Variants in ATRNL1 observed in about 807,000 individuals in gnomAD.
The protein encoded by ATRNL1 is attractin like 1.
Under a neutral mutation model 182.7 loss-of-function variants are expected in ATRNL1, and 95 were observed. That is an observed-to-expected ratio of 0.52 (90% confidence interval 0.44 to 0.62). The LOEUF is 0.62. ATRNL1 is among the 20% of genes least tolerant of loss of function. The pLI is 0.00. For synonymous variants in ATRNL1, 576 were observed against 568.3 expected, an observed-to-expected ratio of 1.01 and a Z score of -0.19; for missense variants, 1,471 against 1,679.5, an observed-to-expected ratio of 0.88 and a Z score of 2.17.
intron 9 of ATRNL1, among the ~76,000 whole-genome samples, chr10:115,238,592 C>T (rs1850280493): frequency 1.3e-5 from 2 of 152,070 alleles, no homozygotes; most frequent in African/African-American, 4.8e-5. Context: ...TGCAACCTTG[C>T]TATGCTAGCT....
At chr10:115,649,824 G>A (rs1336077680) in intron 26 of ATRNL1, among the ~76,000 whole-genome samples, 1 of 152,092 alleles carries the variant, frequency 6.6e-6, no homozygotes, top group African/African-American at 2.4e-5. Context: ...CCACCATTTA[G>A]GAAGCAGTTA....
intron 3 of ATRNL1, among the ~76,000 whole-genome samples, chr10:115,126,082 G>A (rs962697220): frequency 2.6e-5 from 4 of 152,006 alleles, no homozygotes; most frequent in African/African-American, 9.7e-5. Context: ...TTTTTGAGAC[G>A]GAGTCTCGCT....
At chr10:115,281,649 T>C (rs1349426296) in intron 14 of ATRNL1, among the ~76,000 whole-genome samples, 162 bp downstream of exon 14, 4 of 152,108 alleles carry the variant, frequency 2.6e-5, no homozygotes, top group African/African-American at 4.8e-5. Context: ...ACAAGAAAAG[T>C]TTTTTGATTA....
intron 19 of ATRNL1, among the ~76,000 whole-genome samples, chr10:115,381,449 T>TTTTTTTTTTTTTTA: frequency 6.9e-6 from 1 of 144,326 alleles, no homozygotes; most frequent in African/African-American, 2.6e-5. Context: ...TTTTTTTTTT[T>TTTTTTTTTTTTTTA]AGTAGACATG....
intron 21 of ATRNL1, among the ~76,000 whole-genome samples, chr10:115,428,078 T>C (rs1254834175): frequency 6.6e-6 from 1 of 152,012 alleles, no homozygotes; most frequent in Non-Finnish European, 1.5e-5. Context: ...AATTCTTTAA[T>C]TTTTACTATT....
chr10:115,243,699 T>C (rs1554903473), intron 10 of ATRNL1, among the ~76,000 whole-genome samples: 1 of 152,096 alleles, frequency 6.6e-6, no homozygotes, highest in Non-Finnish European at 1.5e-5. Flanking sequence ...TGTAGAAATA[T>C]AGAAGAAAAT....
intron 26 of ATRNL1, among the ~76,000 whole-genome samples, chr10:115,714,118 G>C (rs1298995360): frequency 6.6e-6 from 1 of 152,060 alleles, no homozygotes; most frequent in Non-Finnish European, 1.5e-5. Flanking sequence ...TTGTTTTCTG[G>C]ATTGCCCCAT....
intron 27 of ATRNL1, among the ~76,000 whole-genome samples, chr10:115,798,008 C>T (rs1442094685): frequency 2.0e-5 from 3 of 152,176 alleles, no homozygotes; most frequent in South Asian, 2.1e-4. Flanking sequence ...AGCTCTGCCT[C>T]CCGGGTTCAC....
intron 27 of ATRNL1, among the ~76,000 whole-genome samples, chr10:115,817,957 G>A (rs1225399988): frequency 2.0e-5 from 3 of 148,114 alleles, no homozygotes; most frequent in African/African-American, 7.5e-5. Context: ...AATTCTAGAT[G>A]TCATTAGCCA....
chr10:115,183,645 A>G (rs1485566512), intron 8 of ATRNL1, among the ~76,000 whole-genome samples: 1 of 151,516 alleles, frequency 6.6e-6, no homozygotes, highest in East Asian at 1.9e-4. Flanking sequence ...CAGTAAATAT[A>G]AAAAATTTGT....
intron 27 of ATRNL1, among the ~76,000 whole-genome samples, chr10:115,803,548 G>A (rs1555084913): frequency 1.3e-5 from 2 of 151,256 alleles, no homozygotes; most frequent in East Asian, 3.9e-4. Flanking sequence ...GAGATATGGA[G>A]GAAACTTTAT....
chr10:115,712,353 G>T (rs1947086657), intron 26 of ATRNL1, among the ~76,000 whole-genome samples: 1 of 152,122 alleles, frequency 6.6e-6, no homozygotes, highest in Non-Finnish European at 1.5e-5. Context: ...TCTTAGTGTG[G>T]CCAAACACCA....
Position 115,315,512 on chromosome 10 carries a change from A to G in ATRNL1, c.2819-6A>G, listed in dbSNP as rs1384274988. On this transcript the variant is annotated splice_region_variant and splice_polypyrimidine_tract_variant and intron_variant, in intron 17 of 28. Transcript: ENST00000355044. ...TAACATATTTGTCAATGTTCCTGTC[A>G]CGCAGCTCAAAATTGTTCTGGATTG... 4.4e-6 allele frequency: 7 copies of G among 1,598,962 alleles called. No individual in the cohort carries two copies. The highest frequency in any genetic ancestry group is 6.0e-6 in the Non-Finnish European group (7 of 1,168,488).
chr10:115,224,056 C>T (rs1248097365), intron 9 of ATRNL1, among the ~76,000 whole-genome samples: 1 of 150,440 alleles, frequency 6.6e-6, no homozygotes, highest in African/African-American at 2.4e-5. Context: ...CTGCCTCAGC[C>T]TCCTGAGTAG....
intron 27 of ATRNL1, among the ~76,000 whole-genome samples, chr10:115,803,599 G>GTT (rs71999018): frequency 4.5e-4 from 66 of 146,978 alleles, no homozygotes; most frequent in South Asian, 6.4e-4. Context: ...GTTTTTTTGT[G>GTT]TTTTTTTTTT....
intron 26 of ATRNL1, among the ~76,000 whole-genome samples, chr10:115,666,118 A>G (rs1860985605): frequency 6.6e-6 from 1 of 152,176 alleles, no homozygotes; most frequent in Non-Finnish European, 1.5e-5. Context: ...AGATAGCTGT[A>G]AAAAGTTTCA....
At chr10:115,914,144 A>G (rs960913972) in intron 28 of ATRNL1, among the ~76,000 whole-genome samples, 1 of 152,134 alleles carries the variant, frequency 6.6e-6, no homozygotes, top group African/African-American at 2.4e-5. Flanking sequence ...TCCTGCCACC[A>G]TGTGAAGAAG....
At chr10:115,486,912 G>A (rs1356789558) in intron 24 of ATRNL1, among the ~76,000 whole-genome samples, 1 of 152,098 alleles carries the variant, frequency 6.6e-6, no homozygotes, top group Non-Finnish European at 1.5e-5. Flanking sequence ...GTTAATTTTT[G>A]TATAAGGTGT....
intron 8 of ATRNL1, among the ~76,000 whole-genome samples, chr10:115,175,673 A>G (rs1397194567): frequency 6.6e-6 from 1 of 152,118 alleles, no homozygotes; most frequent in Non-Finnish European, 1.5e-5. Flanking sequence ...ATTGAAGTAC[A>G]AAGCAAAACC....
Sources: gnomAD v4.1 joint callset for allele counts (sites outside exome capture counted in the v4.1 genomes callset) on GRCh38, gnomAD v4.1.1 for gene constraint, MANE v1.5 for transcripts, NCBI Gene and HGNC (gene_info 2026-07-23, HGNC 2026-07-21) for gene names.